The following UBAP2 variants were observed in gnomAD, a reference collection of about 807,000 sequenced individuals.
UBAP2 encodes the protein ubiquitin-associated protein 2.
In UBAP2, 75 loss-of-function variants were observed where a neutral mutation model predicts 139.6. That is an observed-to-expected ratio of 0.54 (90% confidence interval 0.45 to 0.65). The LOEUF (loss-of-function observed/expected upper bound fraction) is 0.65, where lower values mean the gene tolerates loss of function less well. Among genes scored for constraint, UBAP2 ranks in the 30% least tolerant of loss-of-function variants. UBAP2 has a pLI of 0.00. For synonymous variants in UBAP2, 526 were observed against 526.2 expected (o/e 1.00, Z 0.01); for missense variants, 1,368 against 1,369.6 (o/e 1.00, Z 0.02).
Position 33,990,616 on chromosome 9 carries a change from A to G in UBAP2, c.289-1490T>C, listed in dbSNP as rs548932634. Among the ~76,000 whole-genome samples the G allele has an allele frequency of 1.6e-4, 24 of 150,140 alleles. No individual in the cohort carries two copies. The East Asian group carries it at 4.3e-3, about 27-fold the overall frequency. Reference sequence around the variant, plus strand: ...TCTATTGTAACCTTTCTAGAAGGTTACTTAGAAATAGTACCCCCCAATTTT... The same window carrying G: ...TCTATTGTAACCTTTCTAGAAGGTTGCTTAGAAATAGTACCCCCCAATTTT... On this transcript the variant is annotated intron_variant, in intron 4 of 28. Coordinates refer to ENST00000379238, the MANE Select transcript of UBAP2 (RefSeq NM_001370062.2).
intron 8 of UBAP2, among the ~76,000 whole-genome samples, chr9:33,969,918 A>ATTTTTTTTT (rs1827784559): frequency 7.9e-6 from 1 of 125,852 alleles, no homozygotes; most frequent in African/African-American, 3.1e-5. Flanking sequence ...ACCGTGTATA[A>ATTTTTTTTT]TTCTTTTTTT....
chr9:33,953,245 A>AT, intron 12 of UBAP2, 40 bp downstream of exon 12: 7 of 1,558,722 alleles, frequency 4.5e-6, no homozygotes, highest in Non-Finnish European at 6.1e-6. Flanking sequence ...GCTAATGGGT[A>AT]TATTTCTTAA....
chr9:33,931,767 G>C (rs1824002511), intron 19 of UBAP2, among the ~76,000 whole-genome samples: 1 of 152,124 alleles, frequency 6.6e-6, no homozygotes, highest in South Asian at 2.1e-4. Context: ...AGGACACCAA[G>C]TTCATCAGTT....
chr9:34,027,632 C>T (rs1188140477), intron 1 of UBAP2, among the ~76,000 whole-genome samples: 1 of 151,682 alleles, frequency 6.6e-6, no homozygotes, highest in Non-Finnish European at 1.5e-5. Flanking sequence ...CCAAGGCAGG[C>T]GAGTCATGAG....
chr9:33,932,216 A>G lies in UBAP2; in HGVS notation c.2175+346T>C, dbSNP rs192853930. Among the ~76,000 whole-genome samples the G allele has an allele frequency of 4.2e-3, 645 of 152,232 alleles. 6 individuals are homozygous for G. The highest frequency in any genetic ancestry group is 0.025 in the Admixed American group (376 of 15,290). ...TCCACCATCTAGACTCCCTTCTCCA[A>G]CATTGACCTTCTTGCAATCTCTGCG... On this transcript the variant is annotated intron_variant, in intron 19 of 28. Transcript: ENST00000379238.
rs1339043446 is a variant in UBAP2, at chr9:33,922,446, C to T, written c.*58G>A. The T allele has an allele frequency of 2.6e-6, 4 of 1,538,498 alleles. No individual in the cohort carries two copies. Among genetic ancestry groups the T allele is most frequent in the African/African-American group, 2.7e-5 (2 of 73,208 alleles). Reference sequence around the variant, plus strand: ...GGCACTGGGCTCCCAAATACGTGCTCGTGTGTTCTCTCCTGCCCAGGATAA... The same window carrying T: ...GGCACTGGGCTCCCAAATACGTGCTTGTGTGTTCTCTCCTGCCCAGGATAA... On this transcript the variant is annotated 3_prime_UTR_variant, in exon 29 of 29. Coordinates refer to ENST00000379238, the MANE Select transcript of UBAP2 (RefSeq NM_001370062.2).
chr9:34,013,626 C>G (rs1823968090), intron 2 of UBAP2, among the ~76,000 whole-genome samples: 1 of 152,096 alleles, frequency 6.6e-6, no homozygotes, highest in African/African-American at 2.4e-5. Context: ...CCTTTAATCC[C>G]AGCACTCTGG....
At position 33,941,635 on chromosome 9, in the gene UBAP2, A is replaced by G. The variant is rs199864531; in HGVS notation, c.1929+14T>C. 4.3e-6 allele frequency: 7 copies of G among 1,610,316 alleles called. No homozygotes were observed. In the Middle Eastern group the frequency reaches 5.0e-4, roughly 114 times the overall value. ...ACGGACATCTTCTGAGAAAAAAACT[A>G]AAATACCACTTACCATGATGGTTCC... is the stretch of plus-strand genomic sequence containing the variant. On this transcript the variant is annotated intron_variant, in intron 16 of 28. Transcript: ENST00000379238.
chr9:33,980,220 C>CTTTTTTTTTT lies in UBAP2; in HGVS notation c.520+6530_520+6539dup, dbSNP rs1173781682. On this transcript the variant is annotated intron_variant, in intron 6 of 28. Transcript: ENST00000379238. ...TTAATCCAAATCCTGAGTGTCATTT[C>CTTTTTTTTTT]TTTTTTTTTTTTTTTTTTTTTTTTT... 4.8e-3 allele frequency among the ~76,000 whole-genome samples: 235 copies of CTTTTTTTTTT among 49,148 alleles called. 67 individuals are homozygous for CTTTTTTTTTT. Among genetic ancestry groups the CTTTTTTTTTT allele is most frequent in the East Asian group, 0.015 (24 of 1,554 alleles). The allele number at this position is 49,148 out of a possible 152,430, so 32.2% of individuals were successfully genotyped here. A position where few individuals can be genotyped will look rare whatever the true frequency, so the allele number is the denominator to read the frequency against.
At chr9:33,962,750 G>A (rs1395851216) in intron 9 of UBAP2, among the ~76,000 whole-genome samples, 1 of 151,796 alleles carries the variant, frequency 6.6e-6, no homozygotes, top group African/African-American at 2.4e-5. Flanking sequence ...GCAGAGATGA[G>A]TGGATCACCT....
Position 33,973,192 on chromosome 9 carries a change from T to C in UBAP2, c.566A>G (p.Gln189Arg). ...RGRGAGRFST[Q>R]GMGTFNPADY... Reference sequence around the variant, plus strand: ...GATGGCTATCACTTACCCCATGCCTTGGGTTGAGAACCTTCCTGCCCCTCT... The same window carrying C: ...GATGGCTATCACTTACCCCATGCCTCGGGTTGAGAACCTTCCTGCCCCTCT... The change falls in exon 7 of 29, where the codon CAA (glutamine) becomes CGA (arginine). Residue 189 changes from glutamine to arginine, a missense_variant. Transcript: ENST00000379238. 6.2e-7 allele frequency: 1 copy of C among 1,614,038 alleles called. No homozygotes were observed. The highest frequency in any genetic ancestry group is 8.5e-7 in the Non-Finnish European group (1 of 1,179,946).
Position 34,020,312 on chromosome 9 carries a change from T to C in UBAP2, c.-41-3123A>G, listed in dbSNP as rs564692574. Among the ~76,000 whole-genome samples, 4 of 151,478 alleles carry C rather than the reference T, an allele frequency of 2.6e-5. No homozygotes were observed. In the East Asian group the frequency reaches 5.8e-4, roughly 22 times the overall value. ...GAGCTATCATCTCCAATGATAACAA[T>C]GCAGAGCCAATGATTTTTTTTTTTT... On this transcript the variant is annotated intron_variant, in intron 1 of 28. Coordinates refer to ENST00000379238, the MANE Select transcript of UBAP2 (RefSeq NM_001370062.2).
intron 1 of UBAP2, among the ~76,000 whole-genome samples, chr9:34,017,933 A>AT (rs1824525671): frequency 6.6e-6 from 1 of 152,178 alleles, no homozygotes; most frequent in Non-Finnish European, 1.5e-5. Context: ...TCTCAAAAAA[A>AT]AAAAAAAATT....
At chr9:33,922,654 G>A in intron 28 of UBAP2, 33 bp downstream of exon 28, 1 of 1,583,842 alleles carries the variant, frequency 6.3e-7, no homozygotes, top group Non-Finnish European at 8.6e-7. Flanking sequence ...CCCTGGCCCA[G>A]AGTAGGGTGG....
At position 33,944,554 on chromosome 9, in the gene UBAP2, A is replaced by T; in HGVS notation, c.1356T>A (p.Pro452=). The change falls in exon 14 of 29, where the codon CCT becomes CCA. Residue 452 remains proline (P), a synonymous_variant. Transcript: ENST00000379238. Reference sequence around the variant, plus strand: ...AAGGAAAGGACTCCAAACCAGGAGGAGGAACAGTGACTGCCTGGCTCTGGT... The same window carrying T: ...AAGGAAAGGACTCCAAACCAGGAGGTGGAACAGTGACTGCCTGGCTCTGGT... The part of the protein sequence containing the change: ...QQHQSQAVTV[P]PPGLESFPSQ... 1 of 1,614,166 alleles carries T rather than the reference A, an allele frequency of 6.2e-7. No individual in the cohort carries two copies. Among genetic ancestry groups the T allele is most frequent in the East Asian group, 2.2e-5 (1 of 44,878 alleles).
At chr9:34,003,121 G>A (rs565825777) in intron 2 of UBAP2, among the ~76,000 whole-genome samples, 1 of 150,342 alleles carries the variant, frequency 6.7e-6, no homozygotes, top group Non-Finnish European at 1.5e-5. Context: ...GTGTGCTCTC[G>A]GCTCGCTGCA....
At chr9:33,988,034 A>C (rs1436029013) in intron 5 of UBAP2, among the ~76,000 whole-genome samples, 1 of 152,188 alleles carries the variant, frequency 6.6e-6, no homozygotes, top group Non-Finnish European at 1.5e-5. Context: ...AGGCTGACTC[A>C]CATGAATTCC....
rs1263699225 is a variant in UBAP2 at position 33,923,468 on chromosome 9, G to C, written c.2807C>G (p.Ala936Gly). The change falls in exon 25 of 29, where the codon GCC (alanine) becomes GGC (glycine). Residue 936 changes from alanine to glycine, a missense_variant. Transcript: ENST00000379238. ...QYGPTMFVPPASAKQHGVNLS... is the reference protein window; with the variant it reads ...QYGPTMFVPPGSAKQHGVNLS... ...GTTCACCCCATGTTGCTTGGCTGAG[G>C]CTGGAGGGACCTGGGGGGGCAAGCA... The C allele has an allele frequency of 1.2e-6, 2 of 1,614,114 alleles. No homozygotes were observed. The highest frequency in any genetic ancestry group is 3.3e-5 in the Admixed American group (2 of 60,018).
intron 8 of UBAP2, 66 bp downstream of exon 8, chr9:33,971,585 G>A (rs1158997121): frequency 1.1e-6 from 1 of 916,988 alleles, no homozygotes; most frequent in Non-Finnish European, 1.8e-6. Flanking sequence ...ATCTTTGTAT[G>A]AGAACATACA....
Sources: gnomAD v4.1 joint callset for allele counts (sites outside exome capture counted in the v4.1 genomes callset) on GRCh38, gnomAD v4.1.1 for gene constraint, MANE v1.5 for transcripts, NCBI Gene and HGNC (gene_info 2026-07-23, HGNC 2026-07-21) for gene names.